ZC3H6: variants seen among roughly 807,000 people sequenced by gnomAD.
The protein encoded by ZC3H6 is zinc finger CCCH-type containing 6.
ZC3H6 carries 40 observed loss-of-function variants against 107.7 expected under a neutral mutation model. The ratio of observed to expected loss-of-function variants is 0.37; its 90% CI spans 0.29 to 0.48. The LOEUF (loss-of-function observed/expected upper bound fraction) is 0.48, where lower values mean the gene tolerates loss of function less well. Ranked by LOEUF, ZC3H6 falls within the 20% of genes least tolerant of loss-of-function variation. The pLI is 0.98. For synonymous variants in ZC3H6, 493 were observed against 487.9 expected (o/e 1.01, Z -0.14); for missense variants, 1,267 against 1,410.4 (o/e 0.90, Z 1.63).
rs1285428499 is a variant in ZC3H6, at chr2:112,334,622, A to C, written c.*2134A>C. 6.6e-6 allele frequency: 1 copy of C among 152,530 alleles called. No individual in the cohort carries two copies. The highest frequency in any genetic ancestry group is 2.4e-5 in the African/African-American group (1 of 41,444). The allele number at this position is 152,530 out of a possible 1,614,324, so 9.4% of individuals were successfully genotyped here. A position where few individuals can be genotyped will look rare whatever the true frequency, so the allele number is the denominator to read the frequency against. On this transcript the variant is annotated 3_prime_UTR_variant, in exon 12 of 12. Transcript: ENST00000409871. The stretch of plus-strand genomic sequence containing the variant: ...AGAGGCTATTTTACAAGAAAGTTTG[A>C]ACTTAGTTTCAAATTTGACAATATA...
intron 6 of ZC3H6, 89 bp from the exon 7 acceptor site, chr2:112,317,132 C>A: frequency 1.5e-6 from 1 of 668,650 alleles, no homozygotes; most frequent in Non-Finnish European, 2.4e-6. Flanking sequence ...TACCATGAGA[C>A]ACCATGTAGA....
chr2:112,316,398 C>G (rs1676696368), intron 5 of ZC3H6, 72 bp from the exon 6 acceptor site: 1 of 906,584 alleles, frequency 1.1e-6, no homozygotes, highest in Non-Finnish European at 1.7e-6. Context: ...TTTTCCAGAT[C>G]AACTTAATCA....
chr2:112,306,775 G>T (rs964043616), intron 3 of ZC3H6, among the ~76,000 whole-genome samples: 5 of 152,184 alleles, frequency 3.3e-5, no homozygotes, highest in Non-Finnish European at 7.3e-5. Context: ...CCTTATAATT[G>T]AGGATGGGGT....
At chr2:112,313,131 GA>G (rs1676622900) in intron 5 of ZC3H6, among the ~76,000 whole-genome samples, 1 of 152,116 alleles carries the variant, frequency 6.6e-6, no homozygotes. Flanking sequence ...TAAAGCTTGT[GA>G]GCAGCTTAGG....
At position 112,332,403 on chromosome 2, in the gene ZC3H6, A is replaced by G. The variant is rs760365208; in HGVS notation, c.3485A>G (p.Asp1162Gly). 1.9e-6 allele frequency: 3 copies of G among 1,613,514 alleles called. No individual in the cohort carries two copies. The highest frequency in any genetic ancestry group is 1.3e-5 in the African/African-American group (1 of 74,922). The change falls in exon 12 of 12, where the codon GAT (aspartate) becomes GGT (glycine). Residue 1162 changes from aspartate to glycine, a missense_variant. By Grantham distance (94) the Asp-to-Gly change is moderately conservative (BLOSUM62 -1). This residue lies in a region of ZC3H6 where 925 missense variants were observed against 1,025.7 expected (regional missense o/e 0.90). Coordinates refer to ENST00000409871, the MANE Select transcript of ZC3H6 (RefSeq NM_198581.3). ...CCAGGACAGGGGAGCCCGACCCCAG[A>G]TAATGATCCCGGTAGAGAAACAGAT... ...RQPGQGSPTPDNDPGRETDDK... is the reference protein window; with the variant it reads ...RQPGQGSPTPGNDPGRETDDK...
rs1677102896 is a variant in ZC3H6 at position 112,334,402 on chromosome 2, GC to G, written c.*1915del. 1 of 152,000 alleles carries G rather than the reference GC, an allele frequency of 6.6e-6. No individual in the cohort carries two copies. Among genetic ancestry groups the G allele is most frequent in the Non-Finnish European group, 1.5e-5 (1 of 67,952 alleles). The allele number at this position is 152,000 out of a possible 1,614,324, so 9.4% of individuals were successfully genotyped here. ...TCAAGCAGTGCTGTTTACATTTTAA[GC>G]ATCATACAAAAAAGATAATTTGGCT... On this transcript the variant is annotated 3_prime_UTR_variant, in exon 12 of 12. Transcript: ENST00000409871.
At position 112,338,384 on chromosome 2, in the gene ZC3H6, G is replaced by C. The variant is rs1677170301; in HGVS notation, c.*5896G>C. 6.6e-6 allele frequency: 1 copy of C among 152,144 alleles called. No homozygotes were observed. The allele number at this position is 152,144 out of a possible 1,614,324, so 9.4% of individuals were successfully genotyped here. A position where few individuals can be genotyped will look rare whatever the true frequency, so the allele number is the denominator to read the frequency against. On this transcript the variant is annotated 3_prime_UTR_variant, in exon 12 of 12. Coordinates refer to ENST00000409871, the MANE Select transcript of ZC3H6 (RefSeq NM_198581.3). ...TGATTTGACTCTAATTTTGGGTCTT[G>C]TATCTGGTCTTTAAACACCTTTCGT...
chr2:112,285,204 A>C (rs1291185527), intron 1 of ZC3H6, among the ~76,000 whole-genome samples: 1 of 152,176 alleles, frequency 6.6e-6, no homozygotes, highest in Non-Finnish European at 1.5e-5. Context: ...AATAGCATTC[A>C]TAATCATTGT....
At chr2:112,292,843 T>C (rs1357497864) in intron 1 of ZC3H6, among the ~76,000 whole-genome samples, 1 of 152,198 alleles carries the variant, frequency 6.6e-6, no homozygotes, top group African/African-American at 2.4e-5. Context: ...GTAACCCCCA[T>C]CCAGGGAGAT....
In ZC3H6 at chr2:112,333,541, T is replaced by C. The variant is rs1396226598; in HGVS notation, c.*1053T>C. Reference sequence around the variant, plus strand: ...TAACAGAGGGGATTACCTGGTGTTTTAAGTATTTAATGTCCTCATAGTGTG... The same window carrying C: ...TAACAGAGGGGATTACCTGGTGTTTCAAGTATTTAATGTCCTCATAGTGTG... On this transcript the variant is annotated 3_prime_UTR_variant, in exon 12 of 12. Coordinates refer to ENST00000409871, the MANE Select transcript of ZC3H6 (RefSeq NM_198581.3). 6.6e-6 allele frequency: 1 copy of C among 152,226 alleles called. No individual in the cohort carries two copies. Among genetic ancestry groups the C allele is most frequent in the Non-Finnish European group, 1.5e-5 (1 of 67,988 alleles). The allele number at this position is 152,226 out of a possible 1,614,324, so 9.4% of individuals were successfully genotyped here. A position where few individuals can be genotyped will look rare whatever the true frequency, so the allele number is the denominator to read the frequency against.
chr2:112,332,006 T>C lies in ZC3H6; in HGVS notation c.3088T>C (p.Ser1030Pro). ...GCCTCCATATGCCCCTAAACTCTCTTCCTCAGCTGGCCTTCCACTGGGAAC... is the reference window on the plus strand; with the variant it reads ...GCCTCCATATGCCCCTAAACTCTCTCCCTCAGCTGGCCTTCCACTGGGAAC... ...ALPPYAPKLSSSAGLPLGTST... is the reference protein window; with the variant it reads ...ALPPYAPKLSPSAGLPLGTST... Residue 1030 changes from serine to proline, a missense_variant, in exon 12 of 12, where the codon TCC (serine) becomes CCC (proline). By Grantham distance (74) the Ser-to-Pro change is moderately conservative. Coordinates refer to ENST00000409871, the MANE Select transcript of ZC3H6 (RefSeq NM_198581.3). 1.9e-6 allele frequency: 3 copies of C among 1,613,990 alleles called. No individual in the cohort carries two copies. Among genetic ancestry groups the C allele is most frequent in the Non-Finnish European group, 2.5e-6 (3 of 1,179,878 alleles).
At position 112,276,125 on chromosome 2, in the gene ZC3H6, G is replaced by A; in HGVS notation, c.32+99G>A. On this transcript the variant is annotated intron_variant, in intron 1 of 11. Transcript: ENST00000409871. ...CGGGCGCCTCCTGCATGACCTAGAC[G>A]TCTCTGTGTGGCTCCGTCAGTTCCA... The A allele has an allele frequency of 5.7e-6, 6 of 1,050,468 alleles. No individual in the cohort carries two copies. In the South Asian group the frequency reaches 5.9e-5, roughly 10 times the overall value. The allele number at this position is 1,050,468 out of a possible 1,614,324, so 65.1% of individuals were successfully genotyped here. A position where few individuals can be genotyped will look rare whatever the true frequency, so the allele number is the denominator to read the frequency against.
At chr2:112,310,198 A>T in intron 4 of ZC3H6, 37 bp downstream of exon 4, 1 of 1,577,138 alleles carries the variant, frequency 6.3e-7, no homozygotes, top group Non-Finnish European at 8.6e-7. Context: ...AGAATGTGAG[A>T]ACCTTATTAA....
intron 5 of ZC3H6, among the ~76,000 whole-genome samples, 188 bp from the exon 6 acceptor site, chr2:112,316,282 G>A (rs1160252805): frequency 3.4e-5 from 5 of 148,748 alleles, no homozygotes; most frequent in African/African-American, 5.0e-5. Context: ...TTTTTTTTGC[G>A]ATCACTAGTA....
At chr2:112,309,830 T>C (rs905835159) in intron 3 of ZC3H6, 55 bp from the exon 4 acceptor site, 4 of 1,505,402 alleles carry the variant, frequency 2.7e-6, no homozygotes, top group Non-Finnish European at 3.6e-6. Context: ...TGTGCTACTG[T>C]CAATTGCTAT....
At position 112,324,405 on chromosome 2, in the gene ZC3H6, G is replaced by A. The variant is rs751666368; in HGVS notation, c.1594G>A (p.Ala532Thr). ...PPEIVGPQNQAGVLVQPDTSL... is the reference protein window; with the variant it reads ...PPEIVGPQNQTGVLVQPDTSL... Reference sequence around the variant, plus strand: ...TGAAATTGTAGGTCCTCAAAATCAAGCTGGAGTGCTTGTTCAACCAGACAC... The same window carrying A: ...TGAAATTGTAGGTCCTCAAAATCAAACTGGAGTGCTTGTTCAACCAGACAC... The change falls in exon 10 of 12, where the codon GCT becomes ACT. Residue 532 changes from alanine (A) to threonine (T), a missense_variant. This residue lies in a region of ZC3H6 where 925 missense variants were observed against 1,025.7 expected (regional missense o/e 0.90). Transcript: ENST00000409871. 55 of 1,613,862 alleles carry A rather than the reference G, an allele frequency of 3.4e-5. No homozygotes were observed. The highest frequency in any genetic ancestry group is 1.0e-4 in the Admixed American group (6 of 60,002).
Position 112,338,752 on chromosome 2 carries a change from T to C in ZC3H6, c.*6264T>C, listed in dbSNP as rs1216978971. The C allele has an allele frequency of 1.3e-5, 2 of 151,180 alleles. No individual in the cohort carries two copies. Among genetic ancestry groups the C allele is most frequent in the Non-Finnish European group, 3.0e-5 (2 of 67,778 alleles). The allele number at this position is 151,180 out of a possible 1,614,324, so 9.4% of individuals were successfully genotyped here. On this transcript the variant is annotated 3_prime_UTR_variant, in exon 12 of 12. Coordinates refer to ENST00000409871, the MANE Select transcript of ZC3H6 (RefSeq NM_198581.3). Reference sequence around the variant, plus strand: ...TAATTTATTGTAAAGAAATTAAATATATAGAGGCTCAATTAAAAAATAACC... The same window carrying C: ...TAATTTATTGTAAAGAAATTAAATACATAGAGGCTCAATTAAAAAATAACC...
chr2:112,319,997 T>C (rs1378953392), intron 7 of ZC3H6, among the ~76,000 whole-genome samples: 1 of 152,122 alleles, frequency 6.6e-6, no homozygotes, highest in Non-Finnish European at 1.5e-5. Flanking sequence ...CAATGGCGCG[T>C]TCTCCGCTCA....
chr2:112,324,235 C>A lies in ZC3H6; in HGVS notation c.1424C>A (p.Ser475Tyr). 2.5e-6 allele frequency: 4 copies of A among 1,613,262 alleles called. No homozygotes were observed. Among genetic ancestry groups the A allele is most frequent in the Non-Finnish European group, 8.5e-7 (1 of 1,179,224 alleles). ...CCACACCCTCAACATATCTATAGTT[C>A]TGGGTCAAGTCCAGGTCCTGGACCT... Reference protein sequence around the residue: ...SSPHPQHIYSSGSSPGPGPNM... With the variant: ...SSPHPQHIYSYGSSPGPGPNM... The change falls in exon 10 of 12, where the codon TCT (serine) becomes TAT (tyrosine). Residue 475 changes from serine (S) to tyrosine (Y), a missense_variant. Transcript: ENST00000409871.
Sources: allele counts gnomAD v4.1 joint callset (sites outside exome capture counted in the v4.1 genomes callset), GRCh38; gene constraint gnomAD v4.1.1; regional missense constraint gnomAD v4.1.1; transcripts MANE v1.5; gene names NCBI Gene and HGNC (gene_info 2026-07-23, HGNC 2026-07-21).